Variants in MELK observed in about 807,000 individuals in gnomAD.
MELK encodes the protein maternal embryonic leucine zipper kinase, also known as pEg3 kinase.
A neutral mutation model predicts 85.0 loss-of-function variants in MELK; 81 were observed. The ratio of observed to expected loss-of-function variants is 0.95; its 90% CI spans 0.80 to 1.15. MELK has a LOEUF of 1.15. Ranked by LOEUF, MELK falls within the 50% of genes most tolerant of loss-of-function variation. The pLI is 0.00. For synonymous variants in MELK, 252 were observed against 265.0 expected, an observed-to-expected ratio of 0.95 and a Z score of 0.48; for missense variants, 754 against 777.5, an observed-to-expected ratio of 0.97 and a Z score of 0.36.
Position 36,589,599 on chromosome 9 carries a change from T to C in MELK, c.208T>C (p.Cys70Arg). 6.2e-7 allele frequency: 1 copy of C among 1,614,140 alleles called. No homozygotes were observed. Among genetic ancestry groups the C allele is most frequent in the South Asian group, 1.1e-5 (1 of 91,078 alleles). The change falls in exon 4 of 18, where the codon TGT becomes CGT. Residue 70 changes from cysteine (C) to arginine (R), a missense_variant. Cys to Arg is a radical substitution (Grantham distance 180). Transcript: ENST00000298048. Reference protein sequence around the residue: ...ALKNLRHQHICQLYHVLETAN... With the variant: ...ALKNLRHQHIRQLYHVLETAN... ...GAAGAACCTGAGACATCAGCATATA[T>C]GTCAACTCTACCATGTGCTAGAGAC...
At chr9:36,616,080 G>A (rs993391542) in intron 8 of MELK, among the ~76,000 whole-genome samples, 7 of 152,244 alleles carry the variant, frequency 4.6e-5, no homozygotes, top group Admixed American at 3.3e-4. Context: ...GCTCGCCGGC[G>A]CGGTGGCAAA....
chr9:36,649,777 G>T (rs998571346), intron 11 of MELK, among the ~76,000 whole-genome samples: 1 of 151,844 alleles, frequency 6.6e-6, no homozygotes, highest in Admixed American at 6.6e-5. Context: ...TCAAAAAAAG[G>T]GAAAATAATG....
At chr9:36,615,979 G>T (rs541840323) in intron 8 of MELK, among the ~76,000 whole-genome samples, 28 of 152,244 alleles carry the variant, frequency 1.8e-4, no homozygotes, top group Admixed American at 1.8e-3. Flanking sequence ...CTGCAATCTC[G>T]GCACTTTGGG....
At chr9:36,654,349 CTT>C (rs34436735) in intron 12 of MELK, among the ~76,000 whole-genome samples, 7 of 84,124 alleles carry the variant, frequency 8.3e-5, no homozygotes, top group South Asian at 5.1e-4. Flanking sequence ...ATTGGATTGT[CTT>C]TTTTTTTTTT....
At chr9:36,638,946 C>T (rs1829479010) in intron 10 of MELK, among the ~76,000 whole-genome samples, 1 of 152,174 alleles carries the variant, frequency 6.6e-6, no homozygotes, top group Admixed American at 6.5e-5. Flanking sequence ...ATCTGATAGG[C>T]TAGCTGATTC....
intron 13 of MELK, 21 bp from the exon 14 acceptor site, chr9:36,665,329 C>G: frequency 6.7e-7 from 1 of 1,499,970 alleles, no homozygotes; most frequent in Non-Finnish European, 9.2e-7. Flanking sequence ...TGTGCTTTAT[C>G]TAGTAACTTT....
chr9:36,615,425 G>A (rs1201831578), intron 8 of MELK, among the ~76,000 whole-genome samples: 2 of 140,136 alleles, frequency 1.4e-5, no homozygotes, highest in Non-Finnish European at 3.1e-5. Context: ...CGGACGGCAC[G>A]GCTGGCCAGG....
intron 8 of MELK, among the ~76,000 whole-genome samples, chr9:36,621,479 TC>T (rs1827445203): frequency 6.6e-6 from 1 of 152,004 alleles, no homozygotes; most frequent in Non-Finnish European, 1.5e-5. Context: ...TTATTATACT[TC>T]TTTTAGACCA....
chr9:36,615,563 T>C (rs920369250), intron 8 of MELK, among the ~76,000 whole-genome samples: 7 of 124,968 alleles, frequency 5.6e-5, no homozygotes, highest in Admixed American at 1.5e-4. Flanking sequence ...CCAGATGGGG[T>C]GGCTGCTGGG....
At position 36,616,074 on chromosome 9, in the gene MELK, G is replaced by A. The variant is rs962597499; in HGVS notation, c.666+8401G>A. On this transcript the variant is annotated intron_variant, in intron 8 of 17. Coordinates refer to ENST00000298048, the MANE Select transcript of MELK (RefSeq NM_014791.4). Reference sequence around the variant, plus strand: ...AGCCGCTGCTTCCCGGGCGGCGCTCGCCGGCGCGGTGGCAAAGAAAAAAAT... The same window carrying A: ...AGCCGCTGCTTCCCGGGCGGCGCTCACCGGCGCGGTGGCAAAGAAAAAAAT... 2.0e-4 allele frequency among the ~76,000 whole-genome samples: 31 copies of A among 152,258 alleles called. 1 individual carries two copies. Among genetic ancestry groups the A allele is most frequent in the African/African-American group, 6.7e-4 (28 of 41,566 alleles).
rs185265910 is a variant in MELK, at chr9:36,673,699, A to T, written c.1675-1135A>T. Among the ~76,000 whole-genome samples, 555 of 152,344 alleles carry T rather than the reference A, an allele frequency of 3.6e-3. 2 individuals are homozygous for T. The highest frequency in any genetic ancestry group is 4.4e-3 in the Admixed American group (67 of 15,296). The stretch of plus-strand genomic sequence containing the variant: ...TGGCTTCCCAAAGTGCTGGGATTAC[A>T]GTCATGAGCCACTACACCCGGCCAA... On this transcript the variant is annotated intron_variant, in intron 16 of 17. Coordinates refer to ENST00000298048, the MANE Select transcript of MELK (RefSeq NM_014791.4).
intron 10 of MELK, among the ~76,000 whole-genome samples, chr9:36,636,046 C>T (rs1466319340): frequency 6.6e-6 from 1 of 151,920 alleles, no homozygotes; most frequent in Non-Finnish European, 1.5e-5. Context: ...CCTGGCCTCT[C>T]AAAGTGCTGG....
At chr9:36,578,602 A>C (rs1432677595) in intron 1 of MELK, among the ~76,000 whole-genome samples, 1 of 152,170 alleles carries the variant, frequency 6.6e-6, no homozygotes, top group Non-Finnish European at 1.5e-5. Context: ...GAAGACAATG[A>C]AGTCAGTCAA....
chr9:36,671,068 GTGTT>G lies in MELK; in HGVS notation c.1579_1582del (p.Phe527GlyfsTer30), dbSNP rs1435629627. On this transcript the variant is annotated frameshift_variant, in exon 16 of 18. Coordinates refer to ENST00000298048, the MANE Select transcript of MELK (RefSeq NM_014791.4). LOFTEE classifies it high-confidence loss of function. ...GACTCCAAAAAGAAAGGGAGCCAAA[GTGTT>G]TGGGAGCCTTGAAAGGGGGTTGGAT... 1.2e-5 allele frequency: 20 copies of G among 1,613,558 alleles called. No homozygotes were observed. Among genetic ancestry groups the G allele is most frequent in the Non-Finnish European group, 1.6e-5 (19 of 1,179,754 alleles).
chr9:36,594,871 CT>C, intron 5 of MELK, 100 bp downstream of exon 5: 1 of 1,300,480 alleles, frequency 7.7e-7, no homozygotes, highest in South Asian at 1.9e-5. Flanking sequence ...CTTTGGTTTG[CT>C]TTTTGTTGTT....
At chr9:36,587,748 C>T (rs1823079316) in intron 3 of MELK, among the ~76,000 whole-genome samples, 1 of 151,824 alleles carries the variant, frequency 6.6e-6, no homozygotes. Context: ...AGGCATGTGC[C>T]ACCACGCCCA....
chr9:36,575,393 A>T (rs1179939820), intron 1 of MELK, among the ~76,000 whole-genome samples: 2 of 152,230 alleles, frequency 1.3e-5, no homozygotes, highest in Non-Finnish European at 2.9e-5. Flanking sequence ...GAGAATATTT[A>T]GAACCAGCTC....
intron 9 of MELK, 36 bp downstream of exon 9, chr9:36,630,403 A>T (rs771589712): frequency 6.6e-7 from 1 of 1,525,470 alleles, no homozygotes; most frequent in Non-Finnish European, 9.0e-7. Context: ...AGTCTATTGT[A>T]ATTGTTTGGT....
chr9:36,580,703 G>T (rs558534907), intron 1 of MELK, among the ~76,000 whole-genome samples: 5 of 148,434 alleles, frequency 3.4e-5, no homozygotes, highest in Non-Finnish European at 7.5e-5. Flanking sequence ...CCATGTTTTT[G>T]TTGGCCATTT....
Sources: allele counts gnomAD v4.1 joint callset (sites outside exome capture counted in the v4.1 genomes callset), GRCh38; gene constraint gnomAD v4.1.1; transcripts MANE v1.5; gene names NCBI Gene and HGNC (gene_info 2026-07-23, HGNC 2026-07-21).